COG5: variants seen among roughly 807,000 people sequenced by gnomAD.
COG5 encodes component of oligomeric golgi complex 5, also known as conserved oligomeric Golgi complex subunit 5.
A neutral mutation model predicts 110.4 loss-of-function variants in COG5; 86 were observed. The ratio of observed to expected loss-of-function variants is 0.78; its 90% CI spans 0.65 to 0.93. COG5 has a LOEUF of 0.93. Ranked by LOEUF, COG5 falls within the 40% of genes least tolerant of loss-of-function variation. COG5 has a pLI of 0.00. For missense variants in COG5, 1,077 were observed against 987.0 expected, an observed-to-expected ratio of 1.09 and a Z score of -1.22; for synonymous variants, 360 against 334.6, an observed-to-expected ratio of 1.08 and a Z score of -0.83.
At chr7:107,441,234 C>A in intron 6 of COG5, among the ~76,000 whole-genome samples, 1 of 112,766 alleles carries the variant, frequency 8.9e-6, no homozygotes, top group South Asian at 2.7e-4. Flanking sequence ...CCAACCTGGG[C>A]AACAGAGTGA....
intron 7 of COG5, among the ~76,000 whole-genome samples, chr7:107,395,705 C>G (rs1790950609): frequency 1.3e-5 from 2 of 151,924 alleles, no homozygotes; most frequent in South Asian, 4.2e-4. Context: ...CAGGCATGTG[C>G]CACCACGCCT....
At chr7:107,518,251 T>C (rs1800078695) in intron 6 of COG5, among the ~76,000 whole-genome samples, 1 of 152,164 alleles carries the variant, frequency 6.6e-6, no homozygotes, top group Non-Finnish European at 1.5e-5. Context: ...CTGCATCAAC[T>C]AGTGTGCAAA....
intron 11 of COG5, among the ~76,000 whole-genome samples, chr7:107,317,888 A>C (rs1412044654): frequency 6.6e-6 from 1 of 152,196 alleles, no homozygotes; most frequent in African/African-American, 2.4e-5. Flanking sequence ...CAACTTACTT[A>C]TTGTTTCTGT....
At chr7:107,557,462 A>T (rs767576692) in intron 2 of COG5, among the ~76,000 whole-genome samples, 1 of 152,212 alleles carries the variant, frequency 6.6e-6, no homozygotes, top group African/African-American at 2.4e-5. Context: ...CAAAAAAGCA[A>T]GACTCAAAGA....
chr7:107,473,706 T>C (rs1049780806), intron 6 of COG5, among the ~76,000 whole-genome samples: 1 of 152,020 alleles, frequency 6.6e-6, no homozygotes, highest in African/African-American at 2.4e-5. Context: ...ATTAATTTTG[T>C]ATGCTAGGAA....
chr7:107,442,928 C>T (rs1256810341), intron 6 of COG5, among the ~76,000 whole-genome samples: 8 of 152,062 alleles, frequency 5.3e-5, no homozygotes, highest in African/African-American at 1.7e-4. Flanking sequence ...AATCTCTTTC[C>T]AAGCTTGAGA....
rs760015202 is a variant in COG5, at chr7:107,203,602, CTGAT to C, written c.2400_2403del (p.Ser801Ter). 1.9e-6 allele frequency: 3 copies of C among 1,613,976 alleles called. No homozygotes were observed. The highest frequency in any genetic ancestry group is 2.5e-6 in the Non-Finnish European group (3 of 1,179,880). On this transcript the variant is annotated frameshift_variant, in exon 22 of 22. Transcript: ENST00000297135. LOFTEE classifies it high-confidence loss of function. ...AATTCTTTGCCTTCTCTACTTCTCA[CTGAT>C]TGAACATAAGCTTCCAGGGCTCCCC... is the stretch of plus-strand genomic sequence containing the variant.
chr7:107,292,402 C>T (rs1317266564), intron 12 of COG5, among the ~76,000 whole-genome samples: 1 of 152,158 alleles, frequency 6.6e-6, no homozygotes, highest in Non-Finnish European at 1.5e-5. Flanking sequence ...GAGAAAATGG[C>T]AAGCTTCTTT....
chr7:107,489,668 T>G (rs937892044), intron 6 of COG5, among the ~76,000 whole-genome samples: 3 of 152,206 alleles, frequency 2.0e-5, no homozygotes, highest in Non-Finnish European at 4.4e-5. Context: ...GAATGCACGT[T>G]AAGTATGTAA....
At chr7:107,236,838 G>A (rs974160488) in intron 17 of COG5, 151 bp from the exon 18 acceptor site, 15 of 668,882 alleles carry the variant, frequency 2.2e-5, no homozygotes, top group Admixed American at 7.5e-5. Flanking sequence ...TTTGATAAGC[G>A]TTAGCAGAAA....
chr7:107,528,749 T>A (rs1800959731), intron 5 of COG5, among the ~76,000 whole-genome samples: 1 of 152,004 alleles, frequency 6.6e-6, no homozygotes, highest in African/African-American at 2.4e-5. Flanking sequence ...AGGAGAAAAA[T>A]TCTACATGGT....
intron 7 of COG5, among the ~76,000 whole-genome samples, chr7:107,376,004 A>T (rs1371316578): frequency 6.6e-6 from 1 of 152,012 alleles, no homozygotes; most frequent in African/African-American, 2.4e-5. Context: ...TACAATGTGA[A>T]ATAGGAGTCA....
intron 7 of COG5, among the ~76,000 whole-genome samples, chr7:107,405,901 T>C (rs1255633376): frequency 6.6e-6 from 1 of 152,160 alleles, no homozygotes; most frequent in Non-Finnish European, 1.5e-5. Flanking sequence ...AGGGCATCAT[T>C]TGTGAATCAG....
At chr7:107,383,951 TACC>T (rs764866300) in intron 7 of COG5, among the ~76,000 whole-genome samples, 17 of 152,232 alleles carry the variant, frequency 1.1e-4, no homozygotes, top group Non-Finnish European at 2.1e-4. Context: ...AAGCCCAACA[TACC>T]ACCAAAAGGA....
chr7:107,307,189 T>C (rs1272247374), intron 11 of COG5, among the ~76,000 whole-genome samples: 2 of 152,184 alleles, frequency 1.3e-5, no homozygotes, highest in African/African-American at 4.8e-5. Context: ...ACTGAAATTA[T>C]TCTGGTGAAA....
chr7:107,494,626 C>T (rs1398879824), intron 6 of COG5, among the ~76,000 whole-genome samples: 2 of 152,168 alleles, frequency 1.3e-5, no homozygotes. Context: ...TGTAAATACA[C>T]TCTATGATGT....
At chr7:107,371,193 A>G (rs943145308) in intron 8 of COG5, among the ~76,000 whole-genome samples, 8 of 152,192 alleles carry the variant, frequency 5.3e-5, no homozygotes, top group Admixed American at 3.9e-4. Flanking sequence ...CTAACCTTTA[A>G]AAATCTCTTT....
At chr7:107,367,095 G>C (rs1267198839) in intron 8 of COG5, among the ~76,000 whole-genome samples, 1 of 148,468 alleles carries the variant, frequency 6.7e-6, no homozygotes, top group Non-Finnish European at 1.5e-5. Context: ...CCTACATTTT[G>C]TCTCATTTTC....
chr7:107,315,142 TGCATACTATTCTA>T (rs1291142844), intron 11 of COG5, among the ~76,000 whole-genome samples: 1 of 149,850 alleles, frequency 6.7e-6, no homozygotes, highest in Non-Finnish European at 1.5e-5. Flanking sequence ...GATCTCAACT[TGCATACTATTCTA>T]ATCTTTTTTT....
Sources: allele counts gnomAD v4.1 joint callset (sites outside exome capture counted in the v4.1 genomes callset), GRCh38; gene constraint gnomAD v4.1.1; transcripts MANE v1.5; gene names NCBI Gene and HGNC (gene_info 2026-07-23, HGNC 2026-07-21).